The following UBA5 variants were observed in gnomAD, a reference collection of about 807,000 sequenced individuals.
UBA5 encodes ubiquitin like modifier activating enzyme 5, also known as ubiquitin-like modifier-activating enzyme 5.
A neutral mutation model predicts 52.9 loss-of-function variants in UBA5; 28 were observed. The ratio of observed to expected loss-of-function variants is 0.53; its 90% CI spans 0.39 to 0.73. UBA5 has a LOEUF of 0.73. UBA5 is among the 30% of genes least tolerant of loss of function. UBA5 has a pLI of 0.00. For synonymous variants in UBA5, 135 were observed against 162.1 expected (o/e 0.83, Z 1.27); for missense variants, 388 against 492.7 (o/e 0.79, Z 2.01).
rs1193711097 is a variant in UBA5 at position 132,679,571 on chromosome 3, G to A, written c.*3045G>A. Reference sequence around the variant, plus strand: ...GGAATACATAATTTTGAGTGATCATGTCTCCAACTACAGTTATTCAGGCAC... The same window carrying A: ...GGAATACATAATTTTGAGTGATCATATCTCCAACTACAGTTATTCAGGCAC... On this transcript the variant is annotated 3_prime_UTR_variant, in exon 12 of 12. Transcript: ENST00000356232. Among the ~76,000 whole-genome samples the A allele has an allele frequency of 2.0e-5, 3 of 152,154 alleles. No individual in the cohort carries two copies. The highest frequency in any genetic ancestry group is 4.4e-5 in the Non-Finnish European group (3 of 68,024).
Position 132,665,542 on chromosome 3 carries a change from C to T in UBA5, c.162-281C>T, listed in dbSNP as rs113478790. On this transcript the variant is annotated intron_variant, in intron 1 of 11. Transcript: ENST00000356232. ...AAAATGTTGAAATTTAACTTTGACCCTTAACATTTAAGTAGTAGTCGCAAT... is the reference window on the plus strand; with the variant it reads ...AAAATGTTGAAATTTAACTTTGACCTTTAACATTTAAGTAGTAGTCGCAAT... 1.2e-3 allele frequency among the ~76,000 whole-genome samples: 183 copies of T among 152,174 alleles called. 1 individual carries two copies. The highest frequency in any genetic ancestry group is 3.8e-3 in the African/African-American group (157 of 41,550).
intron 11 of UBA5, 25 bp downstream of exon 11, chr3:132,675,948 A>G (rs765318348): frequency 3.7e-6 from 5 of 1,357,966 alleles, no homozygotes; most frequent in East Asian, 2.3e-5. Flanking sequence ...TGATTTACCC[A>G]TATGTAAATA....
At chr3:132,656,918 C>T (rs866471089), upstream of UBA5, among the ~76,000 whole-genome samples, 8 of 151,050 alleles carry the variant, frequency 5.3e-5, no homozygotes, top group African/African-American at 1.9e-4. Context: ...ATCAAGTTTT[C>T]GCCCATTTTT....
Position 132,660,692 on chromosome 3 carries a change from C to A in UBA5, c.155C>A (p.Pro52His). Residue 52 changes from proline to histidine, a missense_variant, in exon 1 of 12, where the codon CCC (proline) becomes CAC (histidine). Pro to His is a moderately conservative substitution (Grantham distance 77). This residue lies in a region of UBA5 where 95 missense variants were observed against 107.0 expected (regional missense o/e 0.89). Coordinates refer to ENST00000356232, the MANE Select transcript of UBA5 (RefSeq NM_024818.6). This position sits in a 1 kb window ranked among gnomAD's most constrained non-coding sequence, Gnocchi z 4.1. ...AGCTCAGAGGTGGTGGATTCGAATC[C>A]CTACAGGTAACCTGCGTCGCCGGTC... ...KMSSEVVDSN[P>H]YSRLMALKRM... is the part of the protein sequence containing the mutation. 6.4e-7 allele frequency: 1 copy of A among 1,557,986 alleles called. No individual in the cohort carries two copies. The highest frequency in any genetic ancestry group is 2.4e-5 in the East Asian group (1 of 41,986).
chr3:132,673,757 C>G (rs1237853226), intron 8 of UBA5, among the ~76,000 whole-genome samples: 6 of 151,538 alleles, frequency 4.0e-5, no homozygotes, highest in Non-Finnish European at 7.4e-5. Flanking sequence ...TGCAGTCTTC[C>G]AGGTTCAAGT....
At chr3:132,658,065 G>C (rs571393281), upstream of UBA5, among the ~76,000 whole-genome samples, 1 of 152,002 alleles carries the variant, frequency 6.6e-6, no homozygotes, top group Non-Finnish European at 1.5e-5. Flanking sequence ...GTTTCACCAT[G>C]TTGGCCAGGC....
Position 132,678,144 on chromosome 3 carries a change from T to A in UBA5, c.*1618T>A, listed in dbSNP as rs568409672. 1 of 152,336 alleles carries A rather than the reference T, an allele frequency of 6.6e-6. No homozygotes were observed. Among genetic ancestry groups the A allele is most frequent in the South Asian group, 2.1e-4 (1 of 4,830 alleles). The allele number at this position is 152,336 out of a possible 1,614,324, so 9.4% of individuals were successfully genotyped here. A position where few individuals can be genotyped will look rare whatever the true frequency, so the allele number is the denominator to read the frequency against. ...CTTTTATCTGCTCTCAAGTTGGCAT[T>A]GCATCACTGCCTGTGTCTTACACTG... On this transcript the variant is annotated 3_prime_UTR_variant, in exon 12 of 12. Coordinates refer to ENST00000356232, the MANE Select transcript of UBA5 (RefSeq NM_024818.6).
chr3:132,656,833 G>T (rs1384816956), upstream of UBA5, among the ~76,000 whole-genome samples: 2 of 150,142 alleles, frequency 1.3e-5, no homozygotes, highest in African/African-American at 5.0e-5. Flanking sequence ...GGTGTGAAAT[G>T]GTTTCTCATT....
upstream of UBA5, chr3:132,659,928 G>A (rs900991421): frequency 7.2e-6 from 5 of 692,886 alleles, no homozygotes; most frequent in African/African-American, 7.5e-5. Context: ...GCTGAATCCC[G>A]AGGTTTTAGC....
Position 132,672,115 on chromosome 3 carries a change from T to G in UBA5, c.750T>G (p.Cys250Trp). ...DEKTLKREGV[C>W]AASLPTTMGV... ...AGACTCTGAAACGAGAAGGTGTTTGTGCAGCCAGTCTTCCTACCACTATGG... is the reference window on the plus strand; with the variant it reads ...AGACTCTGAAACGAGAAGGTGTTTGGGCAGCCAGTCTTCCTACCACTATGG... Residue 250 changes from cysteine to tryptophan, a missense_variant, in exon 8 of 12, where the codon TGT becomes TGG. Transcript: ENST00000356232. 6.2e-7 allele frequency: 1 copy of G among 1,614,064 alleles called. No individual in the cohort carries two copies. The highest frequency in any genetic ancestry group is 8.5e-7 in the Non-Finnish European group (1 of 1,179,964).
intron 1 of UBA5, among the ~76,000 whole-genome samples, chr3:132,664,467 TC>T (rs199831073): frequency 0.034 from 5,252 of 152,306 alleles, 158 homozygotes; most frequent in South Asian, 0.074. Flanking sequence ...TGGAAGATGT[TC>T]TTCTAACCAC....
chr3:132,659,389 C>A (rs1938001110), upstream of UBA5: 2 of 588,540 alleles, frequency 3.4e-6, no homozygotes, highest in Non-Finnish European at 5.7e-6. Flanking sequence ...GAATGGTGAA[C>A]GTTATTGCGC....
Position 132,676,010 on chromosome 3 carries a change from T to C in UBA5, c.1131+87T>C. The C allele has an allele frequency of 1.1e-6, 1 of 915,272 alleles. No individual in the cohort carries two copies. The highest frequency in any genetic ancestry group is 1.7e-5 in the African/African-American group (1 of 59,622). 56.7% of individuals were successfully genotyped at this position (915,272 alleles called of 1,614,324 possible). A position where few individuals can be genotyped will look rare whatever the true frequency, so the allele number is the denominator to read the frequency against. On this transcript the variant is annotated intron_variant, in intron 11 of 11. Transcript: ENST00000356232. This position sits in a 1 kb window ranked among gnomAD's most constrained non-coding sequence, Gnocchi z 4.1. ...TCTAATTTGTAATGCCAATGAAGTA[T>C]TTCCTGTTTTAGATATTTTATGCTA...
chr3:132,669,818 G>C (rs1373453249), intron 4 of UBA5, among the ~76,000 whole-genome samples: 1 of 152,198 alleles, frequency 6.6e-6, no homozygotes, highest in Non-Finnish European at 1.5e-5. Flanking sequence ...CCAACACTTA[G>C]ATTGATTGGG....
rs1938100037 is a variant in UBA5 at position 132,660,597 on chromosome 3, C to T, written c.60C>T (p.Ala20=). Residue 20 remains alanine (A), a synonymous_variant, in exon 1 of 12, where the codon GCC becomes GCT. Coordinates refer to ENST00000356232, the MANE Select transcript of UBA5 (RefSeq NM_024818.6). The surrounding 1 kb of genome is among the most constrained non-coding windows in gnomAD (Gnocchi z 4.1). ...QRVQELEREL[A]QERSLQVPRS... ...TCCAGGAGCTGGAGCGGGAACTTGC[C>T]CAGGAGAGGAGTCTGCAGGTCCCGA... 6.4e-7 allele frequency: 1 copy of T among 1,554,064 alleles called. No homozygotes were observed.
At chr3:132,656,215 TCATC>T (rs1218941844), upstream of UBA5, among the ~76,000 whole-genome samples, 1 of 152,266 alleles carries the variant, frequency 6.6e-6, no homozygotes, top group Non-Finnish European at 1.5e-5. Flanking sequence ...TGCAATTTAT[TCATC>T]CATTCTGTAT....
At chr3:132,674,427 C>A (rs1247492070) in intron 8 of UBA5, among the ~76,000 whole-genome samples, 1 of 152,210 alleles carries the variant, frequency 6.6e-6, no homozygotes. Context: ...GTGGCTCACG[C>A]CTGTAATCCC....
intron 8 of UBA5, among the ~76,000 whole-genome samples, chr3:132,674,114 A>G (rs1938726671): frequency 6.6e-6 from 1 of 152,182 alleles, no homozygotes; most frequent in Non-Finnish European, 1.5e-5. Context: ...CAAACTCTGT[A>G]ATCTGTCATT....
At chr3:132,663,764 G>A (rs947189231) in intron 1 of UBA5, among the ~76,000 whole-genome samples, 11 of 152,070 alleles carry the variant, frequency 7.2e-5, no homozygotes, top group Non-Finnish European at 1.6e-4. Flanking sequence ...CTTCTAACAT[G>A]AAAGAAATAA....
Sources: allele counts gnomAD v4.1 joint callset (sites outside exome capture counted in the v4.1 genomes callset), GRCh38; gene constraint gnomAD v4.1.1; regional missense constraint gnomAD v4.1.1; non-coding constraint Gnocchi (gnomAD v3.1); transcripts MANE v1.5; gene names NCBI Gene and HGNC (gene_info 2026-07-23, HGNC 2026-07-21).